ARHGAP15: variants seen among roughly 807,000 people sequenced by gnomAD.
The protein encoded by ARHGAP15 is rho GTPase-activating protein 15.
In ARHGAP15, 51 loss-of-function variants were observed where a neutral mutation model predicts 63.7. That is an observed-to-expected ratio of 0.80 (90% CI 0.64 to 1.01). The LOEUF (loss-of-function observed/expected upper bound fraction) is 1.01. ARHGAP15 is among the 50% of genes least tolerant of loss of function. The pLI, the probability that ARHGAP15 is intolerant of heterozygous loss-of-function variation, is 0.00. For synonymous variants in ARHGAP15, 191 were observed against 193.8 expected, an observed-to-expected ratio of 0.99 and a Z score of 0.12; for missense variants, 560 against 564.6, an observed-to-expected ratio of 0.99 and a Z score of 0.08.
chr2:143,286,989 T>C (rs1682137998), intron 6 of ARHGAP15, among the ~76,000 whole-genome samples: 1 of 152,170 alleles, frequency 6.6e-6, no homozygotes, highest in Admixed American at 6.5e-5. Flanking sequence ...TGGCTATATA[T>C]AGCCAGGTGG....
At chr2:143,553,775 A>G (rs1392363754) in intron 10 of ARHGAP15, among the ~76,000 whole-genome samples, 6 of 152,196 alleles carry the variant, frequency 3.9e-5, no homozygotes, top group Non-Finnish European at 8.8e-5. Flanking sequence ...TTATATTGTA[A>G]CACTCTAAGA....
intron 12 of ARHGAP15, among the ~76,000 whole-genome samples, chr2:143,625,636 T>C (rs1452015447): frequency 6.6e-6 from 1 of 152,156 alleles, no homozygotes; most frequent in Non-Finnish European, 1.5e-5. Flanking sequence ...CTAACTTCAT[T>C]TGAAAAGAAG....
chr2:143,298,507 A>G (rs1477283715), intron 6 of ARHGAP15, among the ~76,000 whole-genome samples: 2 of 152,012 alleles, frequency 1.3e-5, no homozygotes, highest in African/African-American at 4.8e-5. Context: ...GCCATAAAGA[A>G]AATTCCTAAT....
intron 12 of ARHGAP15, among the ~76,000 whole-genome samples, chr2:143,648,352 C>T (rs1254460561): frequency 6.6e-6 from 1 of 151,984 alleles, no homozygotes; most frequent in Non-Finnish European, 1.5e-5. Context: ...GTTCAAGTAA[C>T]AGTATTAGGC....
At chr2:143,697,307 T>C (rs1683894164) in intron 12 of ARHGAP15, among the ~76,000 whole-genome samples, 1 of 152,176 alleles carries the variant, frequency 6.6e-6, no homozygotes, top group Non-Finnish European at 1.5e-5. Context: ...TCAGGGATGA[T>C]AGAGAAGACA....
intron 8 of ARHGAP15, among the ~76,000 whole-genome samples, chr2:143,483,162 T>C (rs1292877409): frequency 6.6e-6 from 1 of 152,232 alleles, no homozygotes; most frequent in African/African-American, 2.4e-5. Flanking sequence ...TACACGCATT[T>C]CTCACATGTG....
intron 13 of ARHGAP15, among the ~76,000 whole-genome samples, chr2:143,707,275 A>T (rs1273482713): frequency 6.6e-6 from 1 of 152,204 alleles, no homozygotes; most frequent in Non-Finnish European, 1.5e-5. Context: ...TCAAAGGAAA[A>T]GTCCACACAG....
chr2:143,412,204 G>C (rs1252897969), intron 6 of ARHGAP15, among the ~76,000 whole-genome samples: 2 of 152,166 alleles, frequency 1.3e-5, no homozygotes, highest in East Asian at 3.8e-4. Flanking sequence ...CAGTTCGGAA[G>C]CTCTATGTCG....
At chr2:143,491,848 C>G (rs1692593958) in intron 9 of ARHGAP15, among the ~76,000 whole-genome samples, 1 of 152,050 alleles carries the variant, frequency 6.6e-6, no homozygotes, top group African/African-American at 2.4e-5. Context: ...TTTTACTCAA[C>G]TACACCAAGC....
At chr2:143,421,507 A>G (rs1005086129) in intron 6 of ARHGAP15, among the ~76,000 whole-genome samples, 9 of 151,956 alleles carry the variant, frequency 5.9e-5, no homozygotes, top group African/African-American at 2.2e-4. Context: ...ACATCAAGGA[A>G]CAGGGCATGA....
intron 6 of ARHGAP15, among the ~76,000 whole-genome samples, chr2:143,351,592 T>A (rs939722789): frequency 6.6e-6 from 1 of 152,170 alleles, no homozygotes; most frequent in East Asian, 1.9e-4. Context: ...CTACAAGGAA[T>A]GGCTTTTTAA....
At chr2:143,673,758 G>GTGTGTGTGTATATATATA (rs1553520615) in intron 12 of ARHGAP15, among the ~76,000 whole-genome samples, 12 of 22,128 alleles carry the variant, frequency 5.4e-4, no homozygotes, top group Non-Finnish European at 1.1e-3. Context: ...GTGTGTGTGT[G>GTGTGTGTGTATATATATA]TATATATATA....
intron 10 of ARHGAP15, among the ~76,000 whole-genome samples, chr2:143,525,544 T>C (rs969232240): frequency 6.6e-6 from 1 of 152,012 alleles, no homozygotes; most frequent in East Asian, 1.9e-4. Context: ...TTAAAGAAGC[T>C]CCATGAAAGT....
chr2:143,588,219 G>A (rs910431968), intron 11 of ARHGAP15, among the ~76,000 whole-genome samples: 3 of 152,022 alleles, frequency 2.0e-5, no homozygotes, highest in Non-Finnish European at 2.9e-5. Flanking sequence ...CTACATTCTG[G>A]AGAAGCCATC....
intron 5 of ARHGAP15, among the ~76,000 whole-genome samples, chr2:143,240,012 A>C (rs1376475317): frequency 3.4e-5 from 5 of 148,432 alleles, no homozygotes; most frequent in Non-Finnish European, 7.5e-5. Context: ...AAAAAAAAAA[A>C]AAAAAAAAAC....
chr2:143,194,390 T>C (rs1226453205), intron 2 of ARHGAP15, among the ~76,000 whole-genome samples: 3 of 152,228 alleles, frequency 2.0e-5, no homozygotes, highest in African/African-American at 7.2e-5. Context: ...TAATAAGTTA[T>C]TTTATCTGCT....
At chr2:143,542,950 G>A (rs1343493280) in intron 10 of ARHGAP15, among the ~76,000 whole-genome samples, 1 of 148,874 alleles carries the variant, frequency 6.7e-6, no homozygotes, top group Non-Finnish European at 1.5e-5. Flanking sequence ...AACCATTGAT[G>A]GACACTTAGG....
At position 143,529,493 on chromosome 2, in the gene ARHGAP15, A is replaced by G. The variant is rs549227400; in HGVS notation, c.925+10129A>G. Among the ~76,000 whole-genome samples, 7 of 152,254 alleles carry G rather than the reference A, an allele frequency of 4.6e-5. No individual in the cohort carries two copies. The South Asian group carries it at 1.5e-3, about 32-fold the overall frequency. On this transcript the variant is annotated intron_variant, in intron 10 of 13. Transcript: ENST00000295095. ...AAATAAGATTGTGTTATCCCCTCTTAGAATCCTCCAATGATTCATTGATCT... is the reference window on the plus strand; with the variant it reads ...AAATAAGATTGTGTTATCCCCTCTTGGAATCCTCCAATGATTCATTGATCT...
chr2:143,453,277 C>T (rs559437545), intron 8 of ARHGAP15, among the ~76,000 whole-genome samples: 13 of 152,084 alleles, frequency 8.5e-5, no homozygotes, highest in South Asian at 6.2e-4. Flanking sequence ...GTGTAGCATC[C>T]GGCTTCTGGA....
Sources: gnomAD v4.1 joint callset for allele counts (sites outside exome capture counted in the v4.1 genomes callset) on GRCh38, gnomAD v4.1.1 for gene constraint, MANE v1.5 for transcripts, NCBI Gene and HGNC (gene_info 2026-07-23, HGNC 2026-07-21) for gene names.